Variants in ATF7IP observed in about 807,000 individuals in gnomAD.
ATF7IP encodes activating transcription factor 7 interacting protein.
Under a neutral mutation model 106.4 loss-of-function variants are expected in ATF7IP, and 23 were observed. The ratio of observed to expected loss-of-function variants is 0.22; its 90% confidence interval spans 0.16 to 0.31. ATF7IP has a LOEUF of 0.31. ATF7IP is among the 10% of genes least tolerant of loss of function. The pLI is 1.00. For missense variants in ATF7IP, 1,334 were observed against 1,524.3 expected (o/e 0.88, Z 2.08); for synonymous variants, 542 against 539.0 (o/e 1.01, Z -0.08).
intron 2 of ATF7IP, among the ~76,000 whole-genome samples, chr12:14,433,537 G>A (rs1942247866): frequency 6.6e-6 from 1 of 151,902 alleles, no homozygotes; most frequent in Non-Finnish European, 1.5e-5. Context: ...GGATGTAGTG[G>A]CGGGTGCCTG....
At chr12:14,458,025 A>G (rs1245802046) in intron 8 of ATF7IP, among the ~76,000 whole-genome samples, 3 of 151,686 alleles carry the variant, frequency 2.0e-5, no homozygotes, top group Admixed American at 6.6e-5. Context: ...GAACCCGGGA[A>G]GTGGAGTTTG....
At chr12:14,418,497 C>G (rs7968235) in intron 1 of ATF7IP, among the ~76,000 whole-genome samples, 67,311 of 152,028 alleles carry the variant, frequency 0.44, 15,056 homozygotes, top group Admixed American at 0.52. Context: ...TGAATGGCAT[C>G]TTAGTTCTAG....
chr12:14,422,380 T>C (rs1350396405), intron 1 of ATF7IP, among the ~76,000 whole-genome samples: 1 of 151,452 alleles, frequency 6.6e-6, no homozygotes, highest in Non-Finnish European at 1.5e-5. Flanking sequence ...ATTTTGAAAT[T>C]TTTTTGTAGT....
chr12:14,462,077 G>C (rs917773004), intron 9 of ATF7IP, among the ~76,000 whole-genome samples: 1 of 152,094 alleles, frequency 6.6e-6, no homozygotes, highest in African/African-American at 2.4e-5. Context: ...GAGTTGTTAA[G>C]AAAGTAAATG....
In ATF7IP at chr12:14,500,525, C is replaced by T. The variant is rs535753153; in HGVS notation, c.*2452C>T. 1 of 152,060 alleles carries T rather than the reference C, an allele frequency of 6.6e-6. No homozygotes were observed. The highest frequency in any genetic ancestry group is 2.4e-5 in the African/African-American group (1 of 41,404). The allele number at this position is 152,060 out of a possible 1,614,324, so 9.4% of individuals were successfully genotyped here. On this transcript the variant is annotated 3_prime_UTR_variant, in exon 15 of 15. Coordinates refer to ENST00000261168, the MANE Select transcript of ATF7IP (RefSeq NM_018179.5). ...ATGATCTTCTAGATGTATATGAACA[C>T]CTGTCTATATCTGCATGTATATGTT...
intron 10 of ATF7IP, 70 bp from the exon 11 acceptor site, chr12:14,475,820 A>C: frequency 7.9e-7 from 1 of 1,258,504 alleles, no homozygotes; most frequent in Non-Finnish European, 1.1e-6. Context: ...TACCTCACTT[A>C]TCATCTCATT....
intron 1 of ATF7IP, among the ~76,000 whole-genome samples, chr12:14,417,210 C>T (rs1236440395): frequency 6.6e-6 from 1 of 152,098 alleles, no homozygotes; most frequent in African/African-American, 2.4e-5. Context: ...AAGGATATCT[C>T]ATATAACCTT....
At chr12:14,447,563 G>A (rs1404358939) in intron 6 of ATF7IP, among the ~76,000 whole-genome samples, 10 of 152,104 alleles carry the variant, frequency 6.6e-5, no homozygotes, top group Admixed American at 6.5e-4. Flanking sequence ...TTACAGACAT[G>A]AGCCATTGTG....
At chr12:14,496,386 G>T in intron 14 of ATF7IP, 43 bp downstream of exon 14, 1 of 1,288,640 alleles carries the variant, frequency 7.8e-7, no homozygotes, top group South Asian at 1.2e-5. Flanking sequence ...CAACTGTAGA[G>T]GTATAAAATA....
At chr12:14,385,222 T>C (rs1939164550) in intron 1 of ATF7IP, 1 of 535,448 alleles carries the variant, frequency 1.9e-6, no homozygotes, top group East Asian at 3.0e-5. Flanking sequence ...GCTTTGTTTG[T>C]TACATAGCTG....
intron 9 of ATF7IP, among the ~76,000 whole-genome samples, chr12:14,465,752 AT>A (rs1943808280): frequency 1.3e-5 from 2 of 152,100 alleles, no homozygotes; most frequent in Non-Finnish European, 2.9e-5. Context: ...TTTTTTAAAC[AT>A]AAATTGTTTA....
chr12:14,415,957 A>C (rs1189604416), intron 1 of ATF7IP, among the ~76,000 whole-genome samples: 1 of 152,168 alleles, frequency 6.6e-6, no homozygotes, highest in African/African-American at 2.4e-5. Flanking sequence ...GTCTCCCACA[A>C]ATACTGATGG....
At chr12:14,400,884 G>C (rs534851992) in intron 1 of ATF7IP, among the ~76,000 whole-genome samples, 1 of 152,126 alleles carries the variant, frequency 6.6e-6, no homozygotes, top group East Asian at 1.9e-4. Flanking sequence ...TTTTTTTGAT[G>C]ATTAGGTTGA....
At chr12:14,468,273 A>T (rs1192744880) in intron 10 of ATF7IP, among the ~76,000 whole-genome samples, 1 of 122,930 alleles carries the variant, frequency 8.1e-6, no homozygotes, top group Non-Finnish European at 1.7e-5. Flanking sequence ...ATCCCATCTC[A>T]AAAAAAAAAA....
intron 13 of ATF7IP, among the ~76,000 whole-genome samples, chr12:14,482,888 A>G (rs1256003826): frequency 6.6e-6 from 1 of 152,228 alleles, no homozygotes; most frequent in African/African-American, 2.4e-5. Flanking sequence ...ACAACCGGAA[A>G]CACACCAATC....
At chr12:14,479,028 C>T (rs553389113) in intron 12 of ATF7IP, among the ~76,000 whole-genome samples, 1 of 152,294 alleles carries the variant, frequency 6.6e-6, no homozygotes, top group South Asian at 2.1e-4. Context: ...CTATAAAACT[C>T]TGGTGATTAC....
At chr12:14,433,061 A>G (rs993496310) in intron 2 of ATF7IP, among the ~76,000 whole-genome samples, 1 of 152,132 alleles carries the variant, frequency 6.6e-6, no homozygotes, top group Non-Finnish European at 1.5e-5. Context: ...TACATTTTAT[A>G]TGACTCATGC....
chr12:14,400,222 C>A (rs1200697024), intron 1 of ATF7IP, among the ~76,000 whole-genome samples: 3 of 152,058 alleles, frequency 2.0e-5, no homozygotes, highest in Non-Finnish European at 4.4e-5. Flanking sequence ...TGACATTTAT[C>A]CTTTTAGTCT....
intron 1 of ATF7IP, among the ~76,000 whole-genome samples, chr12:14,387,278 C>T (rs755977210): frequency 2.0e-4 from 31 of 151,872 alleles, no homozygotes; most frequent in South Asian, 4.1e-4. Context: ...TAAGGTTATC[C>T]TTGGAGTGAG....
Sources: gnomAD v4.1 joint callset for allele counts (sites outside exome capture counted in the v4.1 genomes callset) on GRCh38, gnomAD v4.1.1 for gene constraint, MANE v1.5 for transcripts, NCBI Gene and HGNC (gene_info 2026-07-23, HGNC 2026-07-21) for gene names.